The following GABRG3 variants were observed in gnomAD, a reference collection of about 807,000 sequenced individuals.
GABRG3 encodes gamma-aminobutyric acid receptor subunit gamma-3.
In GABRG3, 25 loss-of-function variants were observed where a neutral mutation model predicts 48.8. The observed-to-expected ratio is 0.51, with a 90% CI of 0.37 to 0.72. The LOEUF (loss-of-function observed/expected upper bound fraction) is 0.72. Ranked by LOEUF, GABRG3 falls within the 30% of genes least tolerant of loss-of-function variation. The pLI is 0.00. For synonymous variants in GABRG3, 227 were observed against 217.6 expected, an observed-to-expected ratio of 1.04 and a Z score of -0.38; for missense variants, 394 against 577.9, an observed-to-expected ratio of 0.68 and a Z score of 3.26.
At chr15:26,978,669 C>T (rs994960918) in intron 2 of GABRG3, among the ~76,000 whole-genome samples, 3 of 152,070 alleles carry the variant, frequency 2.0e-5, no homozygotes, top group African/African-American at 2.4e-5. Context: ...TTCTCTGTTT[C>T]GCTCTGTTTT....
intron 2 of GABRG3, among the ~76,000 whole-genome samples, chr15:27,015,796 T>C (rs973922039): frequency 3.9e-5 from 6 of 152,314 alleles, no homozygotes; most frequent in African/African-American, 7.2e-5. Context: ...TAACAATCTC[T>C]ATTAAACTGA....
chr15:27,356,385 A>G (rs1398559073), intron 5 of GABRG3, among the ~76,000 whole-genome samples: 2 of 152,174 alleles, frequency 1.3e-5, no homozygotes, highest in Non-Finnish European at 2.9e-5. Context: ...GGGCCTCAAC[A>G]TTCGTTATTC....
intron 5 of GABRG3, among the ~76,000 whole-genome samples, chr15:27,333,027 T>G (rs1893852383): frequency 6.6e-6 from 1 of 152,236 alleles, no homozygotes; most frequent in African/African-American, 2.4e-5. Flanking sequence ...TTAAACTTGT[T>G]AAAATTATTA....
intron 3 of GABRG3, among the ~76,000 whole-genome samples, chr15:27,148,715 A>G (rs1181798428): frequency 6.6e-6 from 1 of 152,048 alleles, no homozygotes; most frequent in Non-Finnish European, 1.5e-5. Context: ...CATTCTATGT[A>G]ATACTCTGTA....
At chr15:27,032,501 G>C in intron 3 of GABRG3, among the ~76,000 whole-genome samples, 1 of 152,208 alleles carries the variant, frequency 6.6e-6, no homozygotes, top group East Asian at 1.9e-4. Flanking sequence ...CTTCTGATGA[G>C]AGCCTCAGGA....
intron 5 of GABRG3, chr15:27,428,188 CTG>C (rs1196386365): frequency 2.0e-5 from 3 of 152,200 alleles, no homozygotes; most frequent in Non-Finnish European, 4.4e-5. Context: ...TGCTCCTGGA[CTG>C]TGCAATTTTA....
At chr15:26,988,527 T>A (rs1368870986) in intron 2 of GABRG3, among the ~76,000 whole-genome samples, 1 of 152,126 alleles carries the variant, frequency 6.6e-6, no homozygotes, top group Non-Finnish European at 1.5e-5. Context: ...TATGTTTGTC[T>A]TTGTGTTTAA....
At chr15:27,325,799 T>G (rs894335821) in intron 3 of GABRG3, among the ~76,000 whole-genome samples, 3 of 152,148 alleles carry the variant, frequency 2.0e-5, no homozygotes, top group Non-Finnish European at 4.4e-5. Context: ...GAAATTGAAT[T>G]ACCTATCACA....
Position 27,079,301 on chromosome 15 carries a change from A to G in GABRG3, c.270+52480A>G, listed in dbSNP as rs533923447. 2.0e-5 allele frequency among the ~76,000 whole-genome samples: 3 copies of G among 152,348 alleles called. No individual in the cohort carries two copies. The South Asian group carries it at 6.2e-4, about 32-fold the overall frequency. On this transcript the variant is annotated intron_variant, in intron 3 of 9. Transcript: ENST00000615808. ...GAGAAGCAACAAGATAGTGCCAAAA[A>G]AAAGGCAAATAATTTTGTTTTTATA...
intron 2 of GABRG3, among the ~76,000 whole-genome samples, chr15:27,025,221 T>G (rs962528635): frequency 9.9e-5 from 15 of 152,136 alleles, no homozygotes; most frequent in African/African-American, 3.4e-4. Context: ...TTTTATTTAA[T>G]GATATACAAA....
rs374377480 is a variant in GABRG3 at position 26,976,979 on chromosome 15, G to T, written c.54-23G>T. On this transcript the variant is annotated intron_variant, in intron 1 of 9. Transcript: ENST00000615808. The surrounding 1 kb of genome is among the most constrained non-coding windows in gnomAD (Gnocchi z 7.8). ...GAGCCATTGCTGCCACTTATATGTC[G>T]CATTTTTGTGCTGTAACTCCAGGTC... The T allele has an allele frequency of 1.2e-6, 2 of 1,613,398 alleles. No individual in the cohort carries two copies. The highest frequency in any genetic ancestry group is 1.7e-6 in the Non-Finnish European group (2 of 1,179,660).
At chr15:26,982,391 A>G (rs1309832658) in intron 2 of GABRG3, among the ~76,000 whole-genome samples, 1 of 152,150 alleles carries the variant, frequency 6.6e-6, no homozygotes, top group Non-Finnish European at 1.5e-5. Context: ...GGATCCCCTG[A>G]GGTAGAAAAT....
At position 27,236,730 on chromosome 15, in the gene GABRG3, T is replaced by C. The variant is rs1445507101; in HGVS notation, c.271-90079T>C. Among the ~76,000 whole-genome samples the C allele has an allele frequency of 1.3e-5, 2 of 152,212 alleles. No individual in the cohort carries two copies. Among genetic ancestry groups the C allele is most frequent in the Admixed American group, 6.5e-5 (1 of 15,286 alleles). ...GTTTCTTGTCCTCTGCTTCACCGTT[T>C]GACATCAGAGGGCCAAAAACTCTAT... On this transcript the variant is annotated intron_variant, in intron 3 of 9. Transcript: ENST00000615808. The surrounding 1 kb of genome is among the most constrained non-coding windows in gnomAD (Gnocchi z 4.4).
At chr15:27,525,171 T>G (rs571693099) in intron 7 of GABRG3, among the ~76,000 whole-genome samples, 1 of 126,190 alleles carries the variant, frequency 7.9e-6, no homozygotes, top group Non-Finnish European at 1.7e-5. Flanking sequence ...AAGGGCATTG[T>G]GCTGAATGAA....
At chr15:27,114,344 A>T (rs1430882490) in intron 3 of GABRG3, among the ~76,000 whole-genome samples, 1 of 152,204 alleles carries the variant, frequency 6.6e-6, no homozygotes, top group Non-Finnish European at 1.5e-5. Flanking sequence ...TGTTTAAGCT[A>T]TAATACATCA....
intron 3 of GABRG3, among the ~76,000 whole-genome samples, chr15:27,308,559 G>A (rs893218442): frequency 2.7e-5 from 4 of 146,762 alleles, no homozygotes; most frequent in African/African-American, 4.9e-5. Context: ...AAACATACAT[G>A]TTTATATAAA....
rs1891464398 is a variant in GABRG3, at chr15:27,532,930, T to G, written c.*49T>G. 1 of 1,573,674 alleles carries G rather than the reference T, an allele frequency of 6.4e-7. No individual in the cohort carries two copies. Among genetic ancestry groups the G allele is most frequent in the Non-Finnish European group, 8.6e-7 (1 of 1,156,954 alleles). The stretch of plus-strand genomic sequence containing the variant: ...AGAGCATTTGGTACACACTTGACCT[T>G]CTGTCGTCCCCAGACCAGTAGTGAC... On this transcript the variant is annotated 3_prime_UTR_variant, in exon 10 of 10. Coordinates refer to ENST00000615808, the MANE Select transcript of GABRG3 (RefSeq NM_033223.5).
chr15:27,242,515 T>G (rs377132242), intron 3 of GABRG3, among the ~76,000 whole-genome samples: 34 of 152,334 alleles, frequency 2.2e-4, no homozygotes, highest in African/African-American at 7.9e-4. Flanking sequence ...CATATTACTT[T>G]GATATTTTTA....
In GABRG3 at chr15:27,026,803, T is replaced by C. The variant is rs1245068067; in HGVS notation, c.252T>C (p.Pro84=). The C allele has an allele frequency of 2.5e-6, 4 of 1,608,904 alleles. No individual in the cohort carries two copies. The highest frequency in any genetic ancestry group is 2.2e-5 in the East Asian group (1 of 44,796). The change falls in exon 3 of 10, where the codon CCT becomes CCC. Residue 84 remains proline (P), a synonymous_variant. Coordinates refer to ENST00000615808, the MANE Select transcript of GABRG3 (RefSeq NM_033223.5). The part of the protein sequence containing the change: ...DVDIYVNSIG[P]VSSINMEYQI... ...ACATTTATGTTAACAGCATTGGTCCTGTGTCATCAATAAACATGGTAAGAA... is the reference window on the plus strand; with the variant it reads ...ACATTTATGTTAACAGCATTGGTCCCGTGTCATCAATAAACATGGTAAGAA...
Sources: gnomAD v4.1 joint callset for allele counts (sites outside exome capture counted in the v4.1 genomes callset) on GRCh38, gnomAD v4.1.1 for gene constraint, Gnocchi (gnomAD v3.1) non-coding constraint, MANE v1.5 for transcripts, NCBI Gene and HGNC (gene_info 2026-07-23, HGNC 2026-07-21) for gene names.